Variants in MFHAS1 observed in about 807,000 individuals in gnomAD.
MFHAS1 encodes multifunctional ROCO family signaling regulator 1, also known as malignant fibrous histiocytoma-amplified sequence 1.
In MFHAS1, 50 loss-of-function variants were observed where a neutral mutation model predicts 70.4. That is an observed-to-expected ratio of 0.71 (90% CI 0.57 to 0.90). MFHAS1 has a LOEUF of 0.90. Among genes scored for constraint, MFHAS1 ranks in the 40% least tolerant of loss-of-function variants. MFHAS1 has a pLI of 0.00. For missense variants in MFHAS1, 1,795 were observed against 1,347.6 expected, an observed-to-expected ratio of 1.33 and a Z score of -5.20; for synonymous variants, 952 against 620.0, an observed-to-expected ratio of 1.54 and a Z score of -7.96.
At chr8:8,848,439 T>A (rs1808113661) in intron 1 of MFHAS1, among the ~76,000 whole-genome samples, 1 of 151,168 alleles carries the variant, frequency 6.6e-6, no homozygotes, top group African/African-American at 2.4e-5. Context: ...CACTTCATTT[T>A]CCTCTCCACT....
chr8:8,835,237 G>A (rs999130830), intron 1 of MFHAS1, among the ~76,000 whole-genome samples: 1 of 152,100 alleles, frequency 6.6e-6, no homozygotes, highest in Non-Finnish European at 1.5e-5. Flanking sequence ...AAAACCCATA[G>A]AATCTATCAC....
At chr8:8,787,269 AT>A (rs1392656151) in intron 2 of MFHAS1, among the ~76,000 whole-genome samples, 1 of 152,070 alleles carries the variant, frequency 6.6e-6, no homozygotes, top group Non-Finnish European at 1.5e-5. Context: ...TTTAGTAGAG[AT>A]GGGGTTTCAC....
In MFHAS1 at chr8:8,890,855, T is replaced by G. The variant is rs757410849; in HGVS notation, c.2204A>C (p.Asp735Ala). 3 of 1,614,192 alleles carry G rather than the reference T, an allele frequency of 1.9e-6. No homozygotes were observed. The highest frequency in any genetic ancestry group is 2.5e-6 in the Non-Finnish European group (3 of 1,180,022). Residue 735 changes from aspartate (D) to alanine (A), a missense_variant, in exon 1 of 3, where the codon GAC (aspartate) becomes GCC (alanine). Transcript: ENST00000276282. ...HVFHNLTRLI[D>A]ILNVFFQRDP... ...CCTCTGGAAGAAGACATTGAGGATG[T>G]CGATGAGGCGGGTGAGGTTGTGGAA...
intron 2 of MFHAS1, among the ~76,000 whole-genome samples, chr8:8,794,869 C>T (rs1294490713): frequency 2.0e-5 from 3 of 152,148 alleles, no homozygotes; most frequent in African/African-American, 7.2e-5. Flanking sequence ...GCTGCTTGTT[C>T]GTTCAGGTTC....
intron 1 of MFHAS1, among the ~76,000 whole-genome samples, chr8:8,827,517 T>C (rs1174073404): frequency 6.6e-6 from 1 of 152,232 alleles, no homozygotes; most frequent in Non-Finnish European, 1.5e-5. Flanking sequence ...AAGTGAAGTT[T>C]ACTATGTTTT....
At chr8:8,876,732 T>C (rs934598218) in intron 1 of MFHAS1, among the ~76,000 whole-genome samples, 2 of 152,028 alleles carry the variant, frequency 1.3e-5, no homozygotes, top group Non-Finnish European at 2.9e-5. Flanking sequence ...GGTGTTCATA[T>C]GAACAGAGAT....
intron 1 of MFHAS1, among the ~76,000 whole-genome samples, chr8:8,826,247 AGTGTGTGTGT>A (rs112140342): frequency 2.7e-5 from 4 of 147,870 alleles, no homozygotes; most frequent in Admixed American, 1.3e-4. Flanking sequence ...AAACACAAAG[AGTGTGTGTGT>A]GTGTGTGTGT....
Position 8,841,243 on chromosome 8 carries a change from G to C in MFHAS1, c.2999-43752C>G, listed in dbSNP as rs572962396. On this transcript the variant is annotated intron_variant, in intron 1 of 2. Coordinates refer to ENST00000276282, the MANE Select transcript of MFHAS1 (RefSeq NM_004225.3). ...TAATCCTAGCACTTTGGGAGGCCGA[G>C]GCAGGCGGATCACCTGCGGTCATGA... Among the ~76,000 whole-genome samples, 140 of 152,266 alleles carry C rather than the reference G, an allele frequency of 9.2e-4. 1 individual carries two copies. Among genetic ancestry groups the C allele is most frequent in the African/African-American group, 3.3e-3 (138 of 41,542 alleles).
intron 1 of MFHAS1, among the ~76,000 whole-genome samples, chr8:8,848,228 G>A (rs551217120): frequency 1.3e-5 from 2 of 152,142 alleles, no homozygotes; most frequent in Non-Finnish European, 2.9e-5. Context: ...GCATCCTGCT[G>A]TTCTCATCTC....
At chr8:8,805,999 C>T (rs1247477824) in intron 1 of MFHAS1, among the ~76,000 whole-genome samples, 3 of 151,758 alleles carry the variant, frequency 2.0e-5, no homozygotes, top group South Asian at 2.1e-4. Flanking sequence ...TGTGCCTGGC[C>T]GTTTGGGGGT....
chr8:8,879,189 A>G (rs1000770663), intron 1 of MFHAS1, among the ~76,000 whole-genome samples: 6 of 152,144 alleles, frequency 3.9e-5, no homozygotes, highest in Non-Finnish European at 7.3e-5. Flanking sequence ...TCTCTACTAA[A>G]AATACAAAAA....
At chr8:8,817,406 A>G (rs1005475173) in intron 1 of MFHAS1, among the ~76,000 whole-genome samples, 23 of 152,266 alleles carry the variant, frequency 1.5e-4, no homozygotes, top group Non-Finnish European at 4.4e-5. Flanking sequence ...GCAGTTGCCA[A>G]CCTACACATA....
intron 1 of MFHAS1, among the ~76,000 whole-genome samples, chr8:8,852,825 C>G (rs917978044): frequency 6.6e-6 from 1 of 152,176 alleles, no homozygotes; most frequent in Admixed American, 6.5e-5. Context: ...TAAACAGTTT[C>G]TTATATTAGG....
chr8:8,814,630 T>G (rs1320535621), intron 1 of MFHAS1, among the ~76,000 whole-genome samples: 3 of 152,166 alleles, frequency 2.0e-5, no homozygotes, highest in African/African-American at 7.2e-5. Flanking sequence ...ATTTGCAAAG[T>G]ATGTATCTGA....
chr8:8,806,625 T>C (rs1044185416), intron 1 of MFHAS1, among the ~76,000 whole-genome samples: 3 of 152,226 alleles, frequency 2.0e-5, no homozygotes, highest in Non-Finnish European at 4.4e-5. Flanking sequence ...CAATAGATGC[T>C]TTCTCTAGAT....
intron 1 of MFHAS1, among the ~76,000 whole-genome samples, chr8:8,805,363 G>A (rs1173432131): frequency 1.3e-5 from 2 of 152,200 alleles, no homozygotes; most frequent in Non-Finnish European, 2.9e-5. Flanking sequence ...CTGATTAACA[G>A]ATATTTTGTG....
At position 8,867,793 on chromosome 8, in the gene MFHAS1, G is replaced by A. The variant is rs773831784; in HGVS notation, c.2998+22268C>T. ...AGGATTGTCTCGATCTCCTGACCTC[G>A]TGATGGGCCCACCTCGGCCTCCCAA... On this transcript the variant is annotated intron_variant, in intron 1 of 2. Transcript: ENST00000276282. Among the ~76,000 whole-genome samples the A allele has an allele frequency of 6.6e-5, 10 of 152,054 alleles. 1 individual carries two copies. The highest frequency in any genetic ancestry group is 4.1e-4 in the South Asian group (2 of 4,828).
chr8:8,890,965 G>A lies in MFHAS1; in HGVS notation c.2094C>T (p.Asp698=), dbSNP rs374653073. The A allele has an allele frequency of 6.2e-7, 1 of 1,613,746 alleles. No individual in the cohort carries two copies. Among genetic ancestry groups the A allele is most frequent in the African/African-American group, 1.3e-5 (1 of 74,924 alleles). The change falls in exon 1 of 3, where the codon GAC becomes GAT. Residue 698 remains aspartate, a synonymous_variant. Coordinates refer to ENST00000276282, the MANE Select transcript of MFHAS1 (RefSeq NM_004225.3). The part of the protein sequence containing the change: ...RLGLQAGLTE[D]RLQSALSYLH... ...GGTAGGAGAGGGCACTCTGCAGTCGGTCCTCGGTCAGACCCGCCTGCAGGC... is the reference window on the plus strand; with the variant it reads ...GGTAGGAGAGGGCACTCTGCAGTCGATCCTCGGTCAGACCCGCCTGCAGGC...
Position 8,890,388 on chromosome 8 carries a change from G to A in MFHAS1, c.2671C>T (p.Pro891Ser). 1.2e-6 allele frequency: 2 copies of A among 1,614,110 alleles called. No individual in the cohort carries two copies. Among genetic ancestry groups the A allele is most frequent in the Non-Finnish European group, 1.7e-6 (2 of 1,180,046 alleles). ...QIEYSFPFTF[P>S]LGLFARYSVQ... Reference sequence around the variant, plus strand: ...CTGTAGCGTGCAAACAACCCAAGTGGAAAAGTAAAAGGAAAGCTATATTCA... The same window carrying A: ...CTGTAGCGTGCAAACAACCCAAGTGAAAAAGTAAAAGGAAAGCTATATTCA... The change falls in exon 1 of 3, where the codon CCA (proline) becomes TCA (serine). Residue 891 changes from proline (P) to serine (S), a missense_variant. Pro to Ser is a moderately conservative substitution (Grantham distance 74). Coordinates refer to ENST00000276282, the MANE Select transcript of MFHAS1 (RefSeq NM_004225.3).
Sources: gnomAD v4.1 joint callset for allele counts (sites outside exome capture counted in the v4.1 genomes callset) on GRCh38, gnomAD v4.1.1 for gene constraint, MANE v1.5 for transcripts, NCBI Gene and HGNC (gene_info 2026-07-23, HGNC 2026-07-21) for gene names.